UGT1A9: variants seen among roughly 807,000 people sequenced by gnomAD.
UGT1A9 encodes UDP glucuronosyltransferase family 1 member A9.
In UGT1A9, 35 loss-of-function variants were observed where a neutral mutation model predicts 45.0. That is an observed-to-expected ratio of 0.78 (90% confidence interval 0.59 to 1.03). UGT1A9 has a LOEUF of 1.03. UGT1A9 is among the 50% of genes least tolerant of loss of function. The pLI is 0.00. For missense variants in UGT1A9, 687 were observed against 666.6 expected, an observed-to-expected ratio of 1.03 and a Z score of -0.34; for synonymous variants, 278 against 250.6, an observed-to-expected ratio of 1.11 and a Z score of -1.03.
chr2:233,762,317 G>A (rs1012731348), intron 1 of UGT1A9, among the ~76,000 whole-genome samples: 5 of 152,210 alleles, frequency 3.3e-5, no homozygotes, highest in African/African-American at 1.2e-4. Flanking sequence ...AATGGGTCGA[G>A]AGTAATCCAC....
chr2:233,676,294 A>G (rs763772533), intron 1 of UGT1A9, among the ~76,000 whole-genome samples: 16 of 152,150 alleles, frequency 1.1e-4, no homozygotes, highest in Non-Finnish European at 2.2e-4. Flanking sequence ...GGTCCTGCAA[A>G]TATTTTCTCA....
intron 1 of UGT1A9, among the ~76,000 whole-genome samples, chr2:233,676,752 G>A (rs888309625): frequency 2.0e-5 from 3 of 152,104 alleles, no homozygotes; most frequent in Non-Finnish European, 2.9e-5. Context: ...GGTAAAACTG[G>A]GTTTATAGAC....
intron 1 of UGT1A9, chr2:233,755,272 T>C (rs1695839667): frequency 2.6e-6 from 2 of 758,302 alleles, no homozygotes. Context: ...TCCACTATGC[T>C]GGACTGCCAA....
intron 1 of UGT1A9, chr2:233,718,839 G>T: frequency 1.2e-6 from 2 of 1,613,658 alleles, no homozygotes; most frequent in South Asian, 1.1e-5. Flanking sequence ...AGGACTCCAG[G>T]TTCCCCTGCC....
intron 1 of UGT1A9, chr2:233,717,746 TC>T: frequency 2.2e-6 from 1 of 456,424 alleles, no homozygotes; most frequent in South Asian, 1.5e-5. Flanking sequence ...GCTCAGGGTC[TC>T]CCCCTAGAAA....
intron 1 of UGT1A9, among the ~76,000 whole-genome samples, chr2:233,716,957 A>G (rs2076536367): frequency 6.6e-6 from 1 of 152,152 alleles, no homozygotes; most frequent in Non-Finnish European, 1.5e-5. Context: ...GGCACCAGGA[A>G]TGTGAGCTTC....
At chr2:233,716,194 A>G (rs945930665) in intron 1 of UGT1A9, among the ~76,000 whole-genome samples, 4 of 152,112 alleles carry the variant, frequency 2.6e-5, no homozygotes, top group Non-Finnish European at 4.4e-5. Flanking sequence ...TAATTCTTAC[A>G]TCTGTCTCTT....
At chr2:233,758,936 A>C (rs3755319) in intron 1 of UGT1A9, among the ~76,000 whole-genome samples, 79,279 of 152,106 alleles carry the variant, frequency 0.52, 21,809 homozygotes, top group African/African-American at 0.7. Context: ...TTGACTTCAA[A>C]TCAGTCATCA....
Position 233,693,020 on chromosome 2 carries a change from C to T in UGT1A9, c.855+20231C>T, listed in dbSNP as rs546429827. 196 of 1,614,146 alleles carry T rather than the reference C, an allele frequency of 1.2e-4. No homozygotes were observed. The highest frequency in any genetic ancestry group is 6.3e-4 in the Admixed American group (38 of 60,026). ...TCTTTCCAGGATGGCCTGCCTCCTTCGCTCATTTCAGAGAATTTCTGCAGG... is the reference window on the plus strand; with the variant it reads ...TCTTTCCAGGATGGCCTGCCTCCTTTGCTCATTTCAGAGAATTTCTGCAGG... On this transcript the variant is annotated intron_variant, in intron 1 of 4. Transcript: ENST00000354728.
chr2:233,703,466 A>ATTATTT lies in UGT1A9; in HGVS notation c.855+30679_855+30684dup, dbSNP rs1421893087. ...GTCGTTAATTTCCCCTCTATTCTTT[A>ATTATTT]TTATTTTCTGCCTTCTTGCTTTGTG... On this transcript the variant is annotated intron_variant, in intron 1 of 4. Transcript: ENST00000354728. Among the ~76,000 whole-genome samples the ATTATTT allele has an allele frequency of 6.6e-5, 10 of 151,422 alleles. No individual in the cohort carries two copies. The East Asian group carries it at 9.7e-4, about 15-fold the overall frequency.
chr2:233,677,332 G>T (rs2074387764), intron 1 of UGT1A9, among the ~76,000 whole-genome samples: 1 of 152,002 alleles, frequency 6.6e-6, no homozygotes. Context: ...TGCTAGTATA[G>T]TTGACCCCTG....
chr2:233,690,705 G>T (rs563167001), intron 1 of UGT1A9: 10 of 1,228,730 alleles, frequency 8.1e-6, no homozygotes, highest in Non-Finnish European at 1.0e-5. Context: ...TTTAGGGATC[G>T]TCATTATGAC....
chr2:233,693,546 C>T, intron 1 of UGT1A9: 1 of 1,614,192 alleles, frequency 6.2e-7, no homozygotes, highest in Non-Finnish European at 8.5e-7. Context: ...CTGGAGCATA[C>T]ATTCAGCAGA....
intron 1 of UGT1A9, among the ~76,000 whole-genome samples, chr2:233,752,736 C>A (rs1332947715): frequency 1.3e-5 from 2 of 152,164 alleles, no homozygotes; most frequent in African/African-American, 4.8e-5. Flanking sequence ...CAGAGAGAGA[C>A]CCTGTCTCTA....
At position 233,760,496 on chromosome 2, in the gene UGT1A9, A is replaced by G. The variant is rs766949747; in HGVS notation, c.856-6538A>G. ...CCTGACGCCTCGTTGTACATCAGAG[A>G]CGGAGCATTTTACACCTTGAAGACG... On this transcript the variant is annotated intron_variant, in intron 1 of 4. Transcript: ENST00000354728. 4 of 1,614,258 alleles carry G rather than the reference A, an allele frequency of 2.5e-6. No homozygotes were observed. The South Asian group carries it at 4.4e-5, about 18-fold the overall frequency.
chr2:233,745,013 A>G (rs1344188212), intron 1 of UGT1A9, among the ~76,000 whole-genome samples: 1 of 151,876 alleles, frequency 6.6e-6, no homozygotes, highest in Non-Finnish European at 1.5e-5. Context: ...TAATAAATGT[A>G]AATGCTATGT....
At chr2:233,741,065 C>T (rs978483126) in intron 1 of UGT1A9, among the ~76,000 whole-genome samples, 7 of 151,774 alleles carry the variant, frequency 4.6e-5, no homozygotes, top group African/African-American at 7.3e-5. Context: ...AGCTACAGAG[C>T]GAGACCCTGT....
intron 1 of UGT1A9, 147 bp downstream of exon 1, chr2:233,672,936 T>C: frequency 7.0e-7 from 1 of 1,419,008 alleles, no homozygotes; most frequent in Non-Finnish European, 9.3e-7. Context: ...CCAATGCGTG[T>C]ACTCGTCAGT....
intron 1 of UGT1A9, chr2:233,722,033 A>G (rs915638296): frequency 4.1e-6 from 1 of 246,466 alleles, no homozygotes; most frequent in Non-Finnish European, 8.1e-6. Context: ...CTTGAATTGC[A>G]TGATTTTGTG....
Sources: gnomAD v4.1 joint callset for allele counts (sites outside exome capture counted in the v4.1 genomes callset) on GRCh38, gnomAD v4.1.1 for gene constraint, MANE v1.5 for transcripts, NCBI Gene and HGNC (gene_info 2026-07-23, HGNC 2026-07-21) for gene names.